Variants in ATG16L2 observed in about 807,000 individuals in gnomAD.
The protein encoded by ATG16L2 is protein Atg16l2.
In ATG16L2, 77 loss-of-function variants were observed where a neutral mutation model predicts 84.7. The observed-to-expected ratio is 0.91, with a 90% CI of 0.76 to 1.10. The LOEUF (loss-of-function observed/expected upper bound fraction) is 1.10, where lower values mean the gene tolerates loss of function less well. Ranked by LOEUF, ATG16L2 falls within the 50% of genes least tolerant of loss-of-function variation. The probability of loss-of-function intolerance (pLI) is 0.00; values close to 1 mark genes in which losing one functional copy is unlikely to be tolerated. For synonymous variants in ATG16L2, 361 were observed against 342.8 expected, an observed-to-expected ratio of 1.05 and a Z score of -0.59; for missense variants, 782 against 817.6, an observed-to-expected ratio of 0.96 and a Z score of 0.53.
intron 14 of ATG16L2, among the ~76,000 whole-genome samples, chr11:72,827,739 G>A (rs1022638000): frequency 1.3e-5 from 2 of 152,192 alleles, no homozygotes; most frequent in African/African-American, 2.4e-5. Context: ...AGGAGTTTGA[G>A]ACCAGCCTAG....
At chr11:72,814,666 G>C in intron 1 of ATG16L2, 103 bp downstream of exon 1, 3 of 930,402 alleles carry the variant, frequency 3.2e-6, no homozygotes, top group Non-Finnish European at 4.7e-6. Flanking sequence ...CGAGTGCGCT[G>C]TGCCTTATGC....
Position 72,816,801 on chromosome 11 carries a change from C to T in ATG16L2, c.192C>T (p.Val64=). Residue 64 remains valine, a synonymous_variant, in exon 2 of 18, where the codon GTC becomes GTT. Coordinates refer to ENST00000321297, the MANE Select transcript of ATG16L2 (RefSeq NM_033388.2). ...AGCTGCAGCCGGAGCCAAACAGTGTCACTCCCACCACCCACCAGGGCCCCT... is the reference window on the plus strand; with the variant it reads ...AGCTGCAGCCGGAGCCAAACAGTGTTACTCCCACCACCCACCAGGGCCCCT... The part of the protein sequence containing the change: ...SKKLQPEPNS[V]TPTTHQGPWE... The T allele has an allele frequency of 6.2e-7, 1 of 1,614,230 alleles. No homozygotes were observed. Among genetic ancestry groups the T allele is most frequent in the East Asian group, 2.2e-5 (1 of 44,878 alleles).
chr11:72,826,176 G>T lies in ATG16L2; in HGVS notation c.1106G>T (p.Arg369Leu), dbSNP rs374124705. 1 of 1,612,496 alleles carries T rather than the reference G, an allele frequency of 6.2e-7. No homozygotes were observed. Among genetic ancestry groups the T allele is most frequent in the African/African-American group, 1.3e-5 (1 of 74,890 alleles). ...LIHLWNVVGSRLEANQTLEGA... is the reference protein window; with the variant it reads ...LIHLWNVVGSLLEANQTLEGA... ...TCCCTTCCCCTGGTCCTCCCAGGTCGCCTGGAGGCCAACCAGACCCTGGAG... is the reference window on the plus strand; with the variant it reads ...TCCCTTCCCCTGGTCCTCCCAGGTCTCCTGGAGGCCAACCAGACCCTGGAG... Residue 369 changes from arginine to leucine, a missense_variant, in exon 11 of 18, where the codon CGC becomes CTC. Physicochemically the swap from Arg to Leu is moderately radical, Grantham distance 102 (BLOSUM62 -2). Coordinates refer to ENST00000321297, the MANE Select transcript of ATG16L2 (RefSeq NM_033388.2).
In ATG16L2 at chr11:72,822,368, T is replaced by G. The variant is rs761349330; in HGVS notation, c.644+73T>G. Reference sequence around the variant, plus strand: ...AGGGAGGAGTCGGGCCTCGCCGGTGTCTGGAAGGGAGGGGGGCAGCAGCCG... The same window carrying G: ...AGGGAGGAGTCGGGCCTCGCCGGTGGCTGGAAGGGAGGGGGGCAGCAGCCG... On this transcript the variant is annotated intron_variant, in intron 5 of 17. Coordinates refer to ENST00000321297, the MANE Select transcript of ATG16L2 (RefSeq NM_033388.2). This position sits in a 1 kb window ranked among gnomAD's most constrained non-coding sequence, Gnocchi z 4.2. The G allele has an allele frequency of 6.4e-7, 1 of 1,570,672 alleles. No individual in the cohort carries two copies. Among genetic ancestry groups the G allele is most frequent in the South Asian group, 1.2e-5 (1 of 86,838 alleles).
intron 3 of ATG16L2, chr11:72,818,597 T>A (rs376481786): frequency 6.6e-6 from 1 of 152,256 alleles, no homozygotes. Context: ...GTTGACTCCT[T>A]GCAGGCATCG....
Position 72,827,175 on chromosome 11 carries a change from G to C in ATG16L2, c.1367-13G>C. ...CTCCTCTGAGGCCCTGGGGTCTGCT[G>C]CTTGGTCCCCAGGCTCCAGGACCAT... is the stretch of plus-strand genomic sequence containing the variant. On this transcript the variant is annotated splice_polypyrimidine_tract_variant and intron_variant, in intron 13 of 17. Transcript: ENST00000321297. 1 of 1,603,908 alleles carries C rather than the reference G, an allele frequency of 6.2e-7. No homozygotes were observed. Among genetic ancestry groups the C allele is most frequent in the South Asian group, 1.1e-5 (1 of 90,874 alleles).
downstream of ATG16L2, among the ~76,000 whole-genome samples, chr11:72,831,683 G>T (rs527959316): frequency 7.2e-5 from 11 of 152,236 alleles, no homozygotes; most frequent in African/African-American, 2.6e-4. Context: ...CCGTTTCCAG[G>T]GACACATGGC....
At chr11:72,832,477 AC>A (rs1860626896), downstream of ATG16L2, among the ~76,000 whole-genome samples, 5 of 152,304 alleles carry the variant, frequency 3.3e-5, no homozygotes, top group South Asian at 1.0e-3. Flanking sequence ...GAGCTCACAG[AC>A]TGAGCAGAGG....
chr11:72,837,384 A>C (rs1454931085), intron 5 of ATG16L2: 1 of 152,468 alleles, frequency 6.6e-6, no homozygotes, highest in Admixed American at 6.5e-5. Context: ...CAAGTTTTTT[A>C]AGATTCTTAG....
At position 72,826,517 on chromosome 11, in the gene ATG16L2, G is replaced by A; in HGVS notation, c.1174-1G>A. 3 of 1,614,064 alleles carry A rather than the reference G, an allele frequency of 1.9e-6. No individual in the cohort carries two copies. Among genetic ancestry groups the A allele is most frequent in the Non-Finnish European group, 2.5e-6 (3 of 1,180,018 alleles). On this transcript the variant is annotated splice_acceptor_variant, in intron 11 of 17. Transcript: ENST00000321297. LOFTEE classifies it high-confidence loss of function. Reference sequence around the variant, plus strand: ...TCTCACTTCCTCTCCCATTTCTCCAGGGCTACCAGGTTTTAGCAGCAACTT... The same window carrying A: ...TCTCACTTCCTCTCCCATTTCTCCAAGGCTACCAGGTTTTAGCAGCAACTT...
At chr11:72,821,282 C>G in intron 3 of ATG16L2, 2 of 1,023,856 alleles carry the variant, frequency 2.0e-6, no homozygotes, top group Non-Finnish European at 2.3e-6. Flanking sequence ...GCCCGAGGGC[C>G]GGATGGGCAT....
chr11:72,823,483 T>A, intron 7 of ATG16L2: 1 of 364,328 alleles, frequency 2.7e-6, no homozygotes, highest in South Asian at 2.1e-5. Context: ...CCTTCTTGAT[T>A]TGCCTGTCAT....
rs1160073682 is a variant in ATG16L2 at position 72,825,539 on chromosome 11, G to C, written c.1102+132G>C. The C allele has an allele frequency of 9.8e-6, 7 of 710,662 alleles. No homozygotes were observed. The African/African-American group carries it at 1.1e-4, about 11-fold the overall frequency. The allele number at this position is 710,662 out of a possible 1,614,324, so 44.0% of individuals were successfully genotyped here. ...TGGAATATTCTGTGGGCAGTGACTAGACAATGCCTTGGAAAGAGTGAGACT... is the reference window on the plus strand; with the variant it reads ...TGGAATATTCTGTGGGCAGTGACTACACAATGCCTTGGAAAGAGTGAGACT... On this transcript the variant is annotated intron_variant, in intron 10 of 17. Transcript: ENST00000321297.
downstream of ATG16L2, among the ~76,000 whole-genome samples, chr11:72,833,789 G>A (rs1017720515): frequency 6.6e-6 from 1 of 152,050 alleles, no homozygotes; most frequent in African/African-American, 2.4e-5. Flanking sequence ...CGGGTGTGGT[G>A]GCACATGCCT....
exon 6 of ATG16L2, chr11:72,843,099 A>G: frequency 6.4e-7 from 1 of 1,563,118 alleles, no homozygotes; most frequent in Non-Finnish European, 8.8e-7. Context: ...CCAGGGCAAT[A>G]CAGTTTAGGT....
downstream of ATG16L2, among the ~76,000 whole-genome samples, chr11:72,830,804 T>C (rs186814271): frequency 3.6e-5 from 3 of 84,152 alleles, no homozygotes; most frequent in African/African-American, 1.3e-4. Context: ...TTCATTCATT[T>C]ACTCATTTAG....
In ATG16L2 at chr11:72,827,193, A is replaced by G; in HGVS notation, c.1372A>G (p.Arg458Gly). 1 of 1,613,398 alleles carries G rather than the reference A, an allele frequency of 6.2e-7. No individual in the cohort carries two copies. Among genetic ancestry groups the G allele is most frequent in the South Asian group, 1.1e-5 (1 of 91,064 alleles). Residue 458 changes from arginine to glycine, a missense_variant, in exon 14 of 18, where the codon AGG becomes GGG. Physicochemically the swap from Arg to Gly is moderately radical, Grantham distance 125. Transcript: ENST00000321297. Reference sequence around the variant, plus strand: ...GTCTGCTGCTTGGTCCCCAGGCTCCAGGACCATCAATGTCCTTTCCTACTG... The same window carrying G: ...GTCTGCTGCTTGGTCCCCAGGCTCCGGGACCATCAATGTCCTTTCCTACTG... ...EWDLGRAYCS[R>G]TINVLSYCND...
At chr11:72,827,056 T>TG in intron 13 of ATG16L2, 132 bp from the exon 14 acceptor site, 1 of 852,518 alleles carries the variant, frequency 1.2e-6, no homozygotes, top group Non-Finnish European at 1.8e-6. Context: ...AGCCCTGTGC[T>TG]GGGAAGCGGA....
intron 7 of ATG16L2, chr11:72,823,807 A>C: frequency 1.7e-6 from 1 of 604,480 alleles, no homozygotes. Flanking sequence ...GGTGGGTACT[A>C]GTAGGGTAAG....
Sources: allele counts gnomAD v4.1 joint callset (sites outside exome capture counted in the v4.1 genomes callset), GRCh38; gene constraint gnomAD v4.1.1; non-coding constraint Gnocchi (gnomAD v3.1); transcripts MANE v1.5; gene names NCBI Gene and HGNC (gene_info 2026-07-23, HGNC 2026-07-21).